Variants in DTNA observed in about 807,000 individuals in gnomAD.
DTNA encodes dystrobrevin alpha.
A neutral mutation model predicts 100.7 loss-of-function variants in DTNA; 43 were observed. That is an observed-to-expected ratio of 0.43 (90% CI 0.33 to 0.55). The LOEUF (loss-of-function observed/expected upper bound fraction) is 0.55. Among genes scored for constraint, DTNA ranks in the 20% least tolerant of loss-of-function variants. DTNA has a pLI of 0.04. For missense variants in DTNA, 798 were observed against 953.9 expected, an observed-to-expected ratio of 0.84 and a Z score of 2.15; for synonymous variants, 349 against 347.9, an observed-to-expected ratio of 1.00 and a Z score of -0.04.
At chr18:34,719,210 G>A (rs2084732168) in intron 1 of DTNA, among the ~76,000 whole-genome samples, 1 of 152,062 alleles carries the variant, frequency 6.6e-6, no homozygotes, top group Admixed American at 6.6e-5. Flanking sequence ...GCATGGTGGT[G>A]TGGGTCTACT....
At chr18:34,719,461 A>C (rs933370217) in intron 1 of DTNA, among the ~76,000 whole-genome samples, 3 of 152,196 alleles carry the variant, frequency 2.0e-5, no homozygotes, top group African/African-American at 7.2e-5. Context: ...TTAAGGCCCG[A>C]GAGGTTAAGT....
chr18:34,737,282 T>C (rs1353981631), intron 1 of DTNA, among the ~76,000 whole-genome samples: 1 of 152,118 alleles, frequency 6.6e-6, no homozygotes, highest in Non-Finnish European at 1.5e-5. Context: ...ACAAACAACA[T>C]ATAGTTTAAA....
At chr18:34,752,815 G>A (rs2092434948) in intron 1 of DTNA, among the ~76,000 whole-genome samples, 1 of 151,972 alleles carries the variant, frequency 6.6e-6, no homozygotes, top group South Asian at 2.1e-4. Context: ...AAAAACATGA[G>A]GAATAGAACA....
At chr18:34,504,006 A>G (rs554614248) in intron 1 of DTNA, 2 of 146,782 alleles carry the variant, frequency 1.4e-5, no homozygotes, top group African/African-American at 5.0e-5. Flanking sequence ...GGCTAATTTT[A>G]TTTTTTTTCT....
chr18:34,493,965 G>C (rs547111986), intron 1 of DTNA: 2 of 149,196 alleles, frequency 1.3e-5, no homozygotes, highest in East Asian at 4.0e-4. Context: ...TCAGGCCCGC[G>C]GGGCGGCGGT....
At chr18:34,766,586 T>A (rs529935764) in intron 3 of DTNA, among the ~76,000 whole-genome samples, 111 of 152,236 alleles carry the variant, frequency 7.3e-4, no homozygotes, top group African/African-American at 2.6e-3. Context: ...GACGAGTTAA[T>A]GGGTGCAGCA....
chr18:34,502,623 A>G (rs2040049884), intron 1 of DTNA, among the ~76,000 whole-genome samples: 1 of 152,172 alleles, frequency 6.6e-6, no homozygotes, highest in African/African-American at 2.4e-5. Flanking sequence ...CCCATTGGAT[A>G]TTTAGAATTA....
chr18:34,800,560 T>C (rs2095168893), intron 4 of DTNA, among the ~76,000 whole-genome samples: 1 of 152,204 alleles, frequency 6.6e-6, no homozygotes, highest in Non-Finnish European at 1.5e-5. Flanking sequence ...CACCAAAATG[T>C]GTGAGAAAGA....
At chr18:34,750,766 T>G (rs929807462) in intron 1 of DTNA, among the ~76,000 whole-genome samples, 23 of 152,210 alleles carry the variant, frequency 1.5e-4, no homozygotes, top group African/African-American at 5.5e-4. Flanking sequence ...ACCATTAGTT[T>G]CAGCTTCTGC....
chr18:34,587,148 ATT>A (rs773119244), intron 1 of DTNA, among the ~76,000 whole-genome samples: 1 of 145,532 alleles, frequency 6.9e-6, no homozygotes, highest in Admixed American at 6.9e-5. Flanking sequence ...TGCCTGGCTA[ATT>A]TTTTTTTTTT....
intron 1 of DTNA, among the ~76,000 whole-genome samples, chr18:34,663,368 A>G (rs74424152): frequency 4.6e-5 from 7 of 152,006 alleles, no homozygotes; most frequent in Non-Finnish European, 1.0e-4. Context: ...ATGTCTTGCT[A>G]TGCCCAGACT....
intron 6 of DTNA, 77 bp from the exon 7 acceptor site, chr18:34,815,831 CA>C: frequency 7.9e-7 from 1 of 1,265,104 alleles, no homozygotes; most frequent in Non-Finnish European, 1.2e-6. Flanking sequence ...GTTTCAGTCT[CA>C]AATGATATGA....
chr18:34,807,902 T>G (rs939834848), intron 5 of DTNA, among the ~76,000 whole-genome samples: 14 of 139,390 alleles, frequency 1.0e-4, no homozygotes, highest in Non-Finnish European at 1.8e-4. Context: ...TTCAGAGTAA[T>G]CCTCGGGCAT....
intron 1 of DTNA, among the ~76,000 whole-genome samples, chr18:34,664,344 A>G (rs998850868): frequency 3.9e-5 from 6 of 152,084 alleles, no homozygotes; most frequent in Non-Finnish European, 7.4e-5. Context: ...TATTTATGTC[A>G]CATGTAATGG....
In DTNA at chr18:34,804,203, G is replaced by A. The variant is rs112967752; in HGVS notation, c.363-2016G>A. ...GGGTTGTGGGCAGACCATGTTAGGA[G>A]GGGGAGGGGCCAGGAGGCGTTGAAC... On this transcript the variant is annotated intron_variant, in intron 4 of 22. Transcript: ENST00000444659. 6.4e-3 allele frequency among the ~76,000 whole-genome samples: 968 copies of A among 152,276 alleles called. 15 individuals are homozygous for A. The highest frequency in any genetic ancestry group is 0.022 in the African/African-American group (904 of 41,562).
chr18:34,812,162 C>T (rs769418024), intron 6 of DTNA, 49 bp downstream of exon 6: 1 of 1,611,468 alleles, frequency 6.2e-7, no homozygotes, highest in Non-Finnish European at 8.5e-7. Context: ...ACAGTGGTTG[C>T]TCTCCTTCTA....
chr18:34,749,915 A>G (rs1417620137), intron 1 of DTNA, among the ~76,000 whole-genome samples: 1 of 152,168 alleles, frequency 6.6e-6, no homozygotes, highest in Non-Finnish European at 1.5e-5. Flanking sequence ...TAAGAAAGTA[A>G]TATCAAAGGC....
chr18:34,658,347 C>T (rs893270352), intron 1 of DTNA, among the ~76,000 whole-genome samples: 1 of 151,998 alleles, frequency 6.6e-6, no homozygotes, highest in East Asian at 1.9e-4. Context: ...TATAAAAATT[C>T]TTTTGTTTCT....
At chr18:34,577,150 G>A (rs933742851) in intron 1 of DTNA, among the ~76,000 whole-genome samples, 4 of 152,204 alleles carry the variant, frequency 2.6e-5, no homozygotes, top group African/African-American at 9.6e-5. Context: ...TTAGCTGTAT[G>A]TATTTGGAAG....
Sources: gnomAD v4.1 joint callset for allele counts (sites outside exome capture counted in the v4.1 genomes callset) on GRCh38, gnomAD v4.1.1 for gene constraint, MANE v1.5 for transcripts, NCBI Gene and HGNC (gene_info 2026-07-23, HGNC 2026-07-21) for gene names.